Variants in GPR137C observed in about 807,000 individuals in gnomAD.
The protein encoded by GPR137C is integral membrane protein GPR137C.
Under a neutral mutation model 43.4 loss-of-function variants are expected in GPR137C, and 27 were observed. The ratio of observed to expected loss-of-function variants is 0.62; its 90% CI spans 0.46 to 0.86. The LOEUF (loss-of-function observed/expected upper bound fraction) is 0.86, where lower values mean the gene tolerates loss of function less well. Ranked by LOEUF, GPR137C falls within the 40% of genes least tolerant of loss-of-function variation. GPR137C has a pLI of 0.00. For missense variants in GPR137C, 522 were observed against 534.6 expected (o/e 0.98, Z 0.23); for synonymous variants, 285 against 226.9 (o/e 1.26, Z -2.30).
chr14:52,613,326 C>T (rs2039060488), intron 3 of GPR137C: 2 of 152,034 alleles, frequency 1.3e-5, no homozygotes, highest in African/African-American at 4.8e-5. Flanking sequence ...AATATCCATC[C>T]CCTCAAGCAT....
At chr14:52,579,933 G>A (rs1050764916) in intron 1 of GPR137C, among the ~76,000 whole-genome samples, 8 of 152,150 alleles carry the variant, frequency 5.3e-5, no homozygotes, top group Admixed American at 1.3e-4. Context: ...TATATTATTT[G>A]CACAAATGCT....
chr14:52,633,972 T>C, intron 6 of GPR137C, 26 bp downstream of exon 6: 1 of 1,261,890 alleles, frequency 7.9e-7, no homozygotes, highest in Non-Finnish European at 1.2e-6. Flanking sequence ...CCACTTAGCC[T>C]GAATTACTAT....
intron 1 of GPR137C, chr14:52,597,041 G>A: frequency 2.2e-6 from 1 of 454,906 alleles, no homozygotes; most frequent in Admixed American, 2.4e-5. Context: ...GCGACACGTG[G>A]CTGTACAGTA....
rs183773414 is a variant in GPR137C at position 52,578,658 on chromosome 14, A to G, written c.445-19614A>G. Among the ~76,000 whole-genome samples the G allele has an allele frequency of 2.5e-3, 376 of 152,248 alleles. 4 individuals are homozygous for G. Among genetic ancestry groups the G allele is most frequent in the African/African-American group, 8.7e-3 (360 of 41,550 alleles). ...CTGCTAATAATTAAGAGTGGAGGCC[A>G]GGCATGGTGGCTCACACCTGTAATC... is the stretch of plus-strand genomic sequence containing the variant. On this transcript the variant is annotated intron_variant, in intron 1 of 6. Coordinates refer to ENST00000321662, the MANE Select transcript of GPR137C (RefSeq NM_001099652.2).
At chr14:52,632,363 C>G in intron 4 of GPR137C, 54 bp downstream of exon 4, 1 of 1,292,590 alleles carries the variant, frequency 7.7e-7, no homozygotes, top group Non-Finnish European at 1.1e-6. Context: ...AACTTACCCT[C>G]ATCTAGAAGA....
chr14:52,608,487 A>G (rs2039006177), intron 3 of GPR137C, among the ~76,000 whole-genome samples: 1 of 152,140 alleles, frequency 6.6e-6, no homozygotes, highest in African/African-American at 2.4e-5. Flanking sequence ...ATTATTTTTA[A>G]TACTTCTGTC....
intron 1 of GPR137C, among the ~76,000 whole-genome samples, chr14:52,575,698 A>G (rs996442207): frequency 2.0e-5 from 3 of 152,224 alleles, no homozygotes; most frequent in Non-Finnish European, 4.4e-5. Context: ...AAATGTACAA[A>G]TATATCAAAG....
At chr14:52,589,771 G>A (rs1456101863) in intron 1 of GPR137C, among the ~76,000 whole-genome samples, 2 of 152,128 alleles carry the variant, frequency 1.3e-5, no homozygotes, top group African/African-American at 4.8e-5. Context: ...CTATAACCTA[G>A]TGATGTTGCA....
chr14:52,630,556 G>T (rs896805976), intron 3 of GPR137C, among the ~76,000 whole-genome samples: 1 of 151,926 alleles, frequency 6.6e-6, no homozygotes, highest in African/African-American at 2.4e-5. Flanking sequence ...TTTTTGTGAT[G>T]GTAGTGTGTT....
At chr14:52,633,394 AAT>A in intron 4 of GPR137C, 134 bp from the exon 5 acceptor site, 1 of 640,502 alleles carries the variant, frequency 1.6e-6, no homozygotes, top group Non-Finnish European at 2.5e-6. Context: ...GAAACCACAA[AAT>A]ATAGAAAGTT....
intron 3 of GPR137C, chr14:52,612,036 T>C: frequency 7.1e-6 from 7 of 985,440 alleles, no homozygotes; most frequent in Non-Finnish European, 8.4e-6. Flanking sequence ...TGGTTTTCTT[T>C]TGTTTTTCAC....
At chr14:52,634,073 A>G (rs1594812301) in intron 6 of GPR137C, 127 bp downstream of exon 6, 2 of 648,968 alleles carry the variant, frequency 3.1e-6, no homozygotes, top group South Asian at 1.9e-5. Flanking sequence ...AAGATCGGCA[A>G]TACTGGAGTT....
chr14:52,580,822 A>G (rs1000847204), intron 1 of GPR137C, among the ~76,000 whole-genome samples: 17 of 147,464 alleles, frequency 1.2e-4, no homozygotes, highest in African/African-American at 4.2e-4. Flanking sequence ...TTATATTTAT[A>G]TAATAATATT....
At chr14:52,624,199 C>A (rs780746921) in intron 3 of GPR137C, among the ~76,000 whole-genome samples, 1 of 143,156 alleles carries the variant, frequency 7.0e-6, no homozygotes. Flanking sequence ...GAGCACAATT[C>A]TAAATAACCC....
chr14:52,554,747 A>G (rs1160847422), intron 1 of GPR137C, among the ~76,000 whole-genome samples: 1 of 152,116 alleles, frequency 6.6e-6, no homozygotes, highest in Non-Finnish European at 1.5e-5. Flanking sequence ...TTAAGTGTTT[A>G]TATTTCCTGC....
chr14:52,617,110 C>T (rs1004887937), intron 3 of GPR137C, among the ~76,000 whole-genome samples: 1 of 152,160 alleles, frequency 6.6e-6, no homozygotes, highest in Non-Finnish European at 1.5e-5. Flanking sequence ...TCACCTCTGT[C>T]AGCCATGGTG....
rs1236243804 is a variant in GPR137C at position 52,553,243 on chromosome 14, C to T, written c.96C>T (p.Ala32=). Reference sequence around the variant, plus strand: ...GCGGGGGCAGCGGAGGCGGAGGCGCCGTCGCTGCAGCCTCAGGCGCCGCGG... The same window carrying T: ...GCGGGGGCAGCGGAGGCGGAGGCGCTGTCGCTGCAGCCTCAGGCGCCGCGG... ...TPGGGSGGGG[A]VAAASGAAVP... The change falls in exon 1 of 7, where the codon GCC becomes GCT. Residue 32 remains alanine, a synonymous_variant. Coordinates refer to ENST00000321662, the MANE Select transcript of GPR137C (RefSeq NM_001099652.2). The T allele has an allele frequency of 7.7e-7, 1 of 1,306,774 alleles. No homozygotes were observed. The highest frequency in any genetic ancestry group is 9.7e-7 in the Non-Finnish European group (1 of 1,028,010). 80.9% of individuals were successfully genotyped at this position (1,306,774 alleles called of 1,614,324 possible).
At chr14:52,605,288 T>G (rs1453722849) in intron 3 of GPR137C, among the ~76,000 whole-genome samples, 1 of 152,202 alleles carries the variant, frequency 6.6e-6, no homozygotes, top group African/African-American at 2.4e-5. Flanking sequence ...GTTTAATTTA[T>G]TCCTGGATAT....
intron 3 of GPR137C, among the ~76,000 whole-genome samples, chr14:52,622,567 T>G (rs938738145): frequency 7.2e-5 from 11 of 152,048 alleles, no homozygotes; most frequent in African/African-American, 2.7e-4. Flanking sequence ...TTCATTGAAG[T>G]GATACACTCA....
Sources: gnomAD v4.1 joint callset for allele counts (sites outside exome capture counted in the v4.1 genomes callset) on GRCh38, gnomAD v4.1.1 for gene constraint, MANE v1.5 for transcripts, NCBI Gene and HGNC (gene_info 2026-07-23, HGNC 2026-07-21) for gene names.